The following FSTL5 variants were observed in gnomAD, a reference collection of about 807,000 sequenced individuals.
FSTL5 encodes follistatin-related protein 5.
A neutral mutation model predicts 89.1 loss-of-function variants in FSTL5; 62 were observed. The observed-to-expected ratio is 0.70, with a 90% confidence interval of 0.57 to 0.86. The LOEUF (loss-of-function observed/expected upper bound fraction) is 0.86. Among genes scored for constraint, FSTL5 ranks in the 40% least tolerant of loss-of-function variants. FSTL5 has a pLI of 0.00. For missense variants in FSTL5, 1,057 were observed against 1,001.6 expected, an observed-to-expected ratio of 1.06 and a Z score of -0.75; for synonymous variants, 383 against 346.2, an observed-to-expected ratio of 1.11 and a Z score of -1.18.
intron 2 of FSTL5, among the ~76,000 whole-genome samples, chr4:162,103,859 G>T (rs1330800192): frequency 6.6e-6 from 1 of 152,164 alleles, no homozygotes; most frequent in Admixed American, 6.5e-5. Flanking sequence ...GCAAAAACAG[G>T]AGGTACAGAA....
At chr4:161,569,578 C>T (rs1289654006) in intron 8 of FSTL5, among the ~76,000 whole-genome samples, 1 of 152,034 alleles carries the variant, frequency 6.6e-6, no homozygotes, top group Non-Finnish European at 1.5e-5. Flanking sequence ...CAAGTAGCAA[C>T]TGAAGTGGTT....
At chr4:161,661,224 G>A (rs986663708) in intron 6 of FSTL5, among the ~76,000 whole-genome samples, 2 of 152,036 alleles carry the variant, frequency 1.3e-5, no homozygotes, top group African/African-American at 4.8e-5. Flanking sequence ...TCATAACCAA[G>A]ATTCTGCTTT....
intron 6 of FSTL5, among the ~76,000 whole-genome samples, chr4:161,669,339 A>G (rs2126696177): frequency 6.6e-6 from 1 of 152,102 alleles, no homozygotes; most frequent in East Asian, 1.9e-4. Context: ...AGATGAACCA[A>G]TGTTGAAGGA....
At chr4:161,879,577 C>T (rs963745045) in intron 4 of FSTL5, among the ~76,000 whole-genome samples, 1 of 152,210 alleles carries the variant, frequency 6.6e-6, no homozygotes, top group Non-Finnish European at 1.5e-5. Flanking sequence ...TTCAGTCTCT[C>T]CTTCCTCACT....
intron 6 of FSTL5, among the ~76,000 whole-genome samples, chr4:161,669,127 A>AT (rs1737003546): frequency 6.9e-6 from 1 of 144,212 alleles, no homozygotes; most frequent in Non-Finnish European, 1.5e-5. Flanking sequence ...AAAAAAAAAA[A>AT]TAAAATAAAA....
intron 4 of FSTL5, among the ~76,000 whole-genome samples, chr4:161,811,493 T>C (rs1250847444): frequency 6.6e-6 from 1 of 152,090 alleles, no homozygotes; most frequent in Non-Finnish European, 1.5e-5. Context: ...CACTAACCTT[T>C]CACTGAAAAA....
chr4:161,476,087 CT>C (rs112565979), intron 13 of FSTL5, among the ~76,000 whole-genome samples: 27 of 142,010 alleles, frequency 1.9e-4, no homozygotes, highest in South Asian at 2.2e-4. Flanking sequence ...CACCTTGTGA[CT>C]TTTTTTTTTT....
intron 7 of FSTL5, among the ~76,000 whole-genome samples, chr4:161,616,007 A>AT (rs1734853766): frequency 1.3e-5 from 2 of 150,938 alleles, no homozygotes; most frequent in Non-Finnish European, 2.9e-5. Flanking sequence ...ACATTCTATA[A>AT]TTTTTCCTAG....
intron 3 of FSTL5, among the ~76,000 whole-genome samples, chr4:161,983,502 A>G (rs532252066): frequency 1.3e-5 from 2 of 152,296 alleles, no homozygotes; most frequent in East Asian, 3.9e-4. Flanking sequence ...CCAATATAAG[A>G]GTTACTTTGA....
intron 6 of FSTL5, among the ~76,000 whole-genome samples, chr4:161,743,736 G>T (rs1327429009): frequency 6.6e-6 from 1 of 151,888 alleles, no homozygotes; most frequent in Non-Finnish European, 1.5e-5. Context: ...TAAAAAATTG[G>T]CATAGATCAG....
At chr4:161,877,078 G>A (rs988698212) in intron 4 of FSTL5, among the ~76,000 whole-genome samples, 1 of 151,430 alleles carries the variant, frequency 6.6e-6, no homozygotes, top group African/African-American at 2.4e-5. Context: ...CAGCTACTCG[G>A]GCGGCTGAGG....
intron 10 of FSTL5, among the ~76,000 whole-genome samples, chr4:161,517,206 A>C (rs1730872691): frequency 6.6e-6 from 1 of 152,046 alleles, no homozygotes; most frequent in African/African-American, 2.4e-5. Flanking sequence ...CTTAGTTTTT[A>C]AACTATAGTT....
intron 6 of FSTL5, among the ~76,000 whole-genome samples, chr4:161,676,647 G>A (rs549683849): frequency 1.5e-4 from 22 of 151,608 alleles, no homozygotes; most frequent in Non-Finnish European, 7.4e-5. Flanking sequence ...AGAACTTAAA[G>A]TATAATAAAT....
At chr4:161,781,182 A>G (rs1297809953) in intron 4 of FSTL5, among the ~76,000 whole-genome samples, 1 of 152,104 alleles carries the variant, frequency 6.6e-6, no homozygotes, top group East Asian at 1.9e-4. Flanking sequence ...CATAAAAAAG[A>G]TGTCAAAACT....
chr4:161,504,267 A>C (rs1290213658), intron 11 of FSTL5, among the ~76,000 whole-genome samples: 1 of 151,850 alleles, frequency 6.6e-6, no homozygotes, highest in Non-Finnish European at 1.5e-5. Flanking sequence ...CCTCTCCCCA[A>C]CCAAACACAA....
chr4:161,581,538 G>A (rs1401729601), intron 8 of FSTL5, among the ~76,000 whole-genome samples: 1 of 152,180 alleles, frequency 6.6e-6, no homozygotes, highest in African/African-American at 2.4e-5. Context: ...ATTACATGAT[G>A]CAAGAAAGAA....
intron 2 of FSTL5, among the ~76,000 whole-genome samples, chr4:162,051,729 T>A (rs1198886753): frequency 6.6e-6 from 1 of 151,470 alleles, no homozygotes; most frequent in African/African-American, 2.4e-5. Context: ...TATTATTCAA[T>A]AACCCTAAAA....
At chr4:161,687,746 C>G (rs1476936699) in intron 6 of FSTL5, among the ~76,000 whole-genome samples, 4 of 152,152 alleles carry the variant, frequency 2.6e-5, no homozygotes, top group African/African-American at 9.7e-5. Flanking sequence ...ATTTGGACTT[C>G]TTACACCTTG....
At chr4:161,779,773 A>T (rs1205286095) in intron 4 of FSTL5, among the ~76,000 whole-genome samples, 30,858 of 64,630 alleles carry the variant, frequency 0.48, 8,615 homozygotes, top group African/African-American at 0.66. Context: ...ATATATATAT[A>T]TGTATATATA....
Sources: allele counts gnomAD v4.1 joint callset (sites outside exome capture counted in the v4.1 genomes callset), GRCh38; gene constraint gnomAD v4.1.1; transcripts MANE v1.5; gene names NCBI Gene and HGNC (gene_info 2026-07-23, HGNC 2026-07-21).